The following DNM2 variants were observed in gnomAD, a reference collection of about 807,000 sequenced individuals.
The protein encoded by DNM2 is dynamin-2.
Under a neutral mutation model 99.0 loss-of-function variants are expected in DNM2, and 15 were observed. The ratio of observed to expected loss-of-function variants is 0.15; its 90% confidence interval spans 0.10 to 0.23. DNM2 has a LOEUF of 0.23. Among genes scored for constraint, DNM2 ranks in the 10% least tolerant of loss-of-function variants. DNM2 has a pLI of 1.00. For missense variants in DNM2, 742 were observed against 1,189.4 expected (o/e 0.62, Z 5.53); for synonymous variants, 525 against 481.2 (o/e 1.09, Z -1.19).
chr19:10,790,615 C>T (rs190655438), intron 7 of DNM2, among the ~76,000 whole-genome samples: 2 of 152,028 alleles, frequency 1.3e-5, no homozygotes, highest in Non-Finnish European at 2.9e-5. Flanking sequence ...TACAGGCATG[C>T]GCCACCACAC....
rs1429961045 is a variant in DNM2 at position 10,718,189 on chromosome 19, G to C, written c.-54G>C. ...AGACGCCGCGGGGCCAGGTCGTTGA[G>C]GGTCGGCGGCGGGCGAGGAGCGCAG... On this transcript the variant is annotated 5_prime_UTR_variant, in exon 1 of 21. Transcript: ENST00000389253. 7.2e-7 allele frequency: 1 copy of C among 1,381,386 alleles called. No homozygotes were observed. The highest frequency in any genetic ancestry group is 1.5e-5 in the African/African-American group (1 of 65,966). 85.6% of individuals were successfully genotyped at this position (1,381,386 alleles called of 1,614,324 possible).
At chr19:10,749,636 C>CT (rs2070124013) in intron 1 of DNM2, among the ~76,000 whole-genome samples, 2 of 152,236 alleles carry the variant, frequency 1.3e-5, no homozygotes, top group South Asian at 4.1e-4. Context: ...CGGAGCTCGA[C>CT]TTTGAACCCA....
chr19:10,808,719 T>G (rs2072440425), intron 14 of DNM2, 139 bp downstream of exon 14: 1 of 1,114,738 alleles, frequency 9.0e-7, no homozygotes, highest in Admixed American at 2.1e-5. Context: ...GGAAACCCCA[T>G]GCCGCAGCCG....
At chr19:10,767,561 G>A (rs1248487326) in intron 2 of DNM2, among the ~76,000 whole-genome samples, 4 of 152,202 alleles carry the variant, frequency 2.6e-5, no homozygotes, top group Non-Finnish European at 5.9e-5. Flanking sequence ...GCCTCCCAAA[G>A]TGCTGGAGTT....
intron 8 of DNM2, 71 bp downstream of exon 8, chr19:10,793,926 C>T: frequency 1.2e-6 from 2 of 1,612,110 alleles, no homozygotes; most frequent in Non-Finnish European, 1.7e-6. Context: ...AGCCAGGCCT[C>T]CTCCCAGGCA....
chr19:10,733,154 G>A (rs2069393432), intron 1 of DNM2, among the ~76,000 whole-genome samples: 1 of 150,804 alleles, frequency 6.6e-6, no homozygotes. Context: ...AAAGTGCTGG[G>A]ATTACCAGTG....
chr19:10,724,867 C>T (rs1373565951), intron 1 of DNM2, among the ~76,000 whole-genome samples: 4 of 152,154 alleles, frequency 2.6e-5, no homozygotes, highest in South Asian at 2.1e-4. Flanking sequence ...GCAGCTGTGC[C>T]GGGGATGCTG....
chr19:10,749,584 G>A (rs2070121348), intron 1 of DNM2, among the ~76,000 whole-genome samples: 1 of 152,242 alleles, frequency 6.6e-6, no homozygotes, highest in Admixed American at 6.5e-5. Context: ...AGTGCCCAGA[G>A]AGGGGTAGAG....
chr19:10,759,924 A>G, intron 2 of DNM2, 113 bp downstream of exon 2: 3 of 1,405,478 alleles, frequency 2.1e-6, no homozygotes, highest in Non-Finnish European at 3.0e-6. Context: ...TGGACATTGA[A>G]TTCACGTGTT....
At chr19:10,757,266 G>A (rs900722471) in intron 1 of DNM2, among the ~76,000 whole-genome samples, 1 of 152,204 alleles carries the variant, frequency 6.6e-6, no homozygotes, top group African/African-American at 2.4e-5. Context: ...GACTTGTTGT[G>A]TAGTCAGTGC....
intron 1 of DNM2, among the ~76,000 whole-genome samples, chr19:10,733,356 AT>A (rs979976932): frequency 4.9e-5 from 7 of 142,390 alleles, no homozygotes; most frequent in Non-Finnish European, 4.6e-5. Flanking sequence ...AATGGCCGGC[AT>A]TTTTTTTTTA....
intron 1 of DNM2, among the ~76,000 whole-genome samples, chr19:10,759,203 A>G (rs183113610): frequency 2.6e-5 from 4 of 152,190 alleles, no homozygotes; most frequent in African/African-American, 9.6e-5. Flanking sequence ...ACATCACCAT[A>G]GTCCAGATGT....
intron 1 of DNM2, among the ~76,000 whole-genome samples, chr19:10,753,035 G>A (rs2070254297): frequency 6.6e-6 from 1 of 152,152 alleles, no homozygotes; most frequent in South Asian, 2.1e-4. Context: ...GAGACGGGAG[G>A]ATCACTTGAG....
At position 10,830,500 on chromosome 19, in the gene DNM2, C is replaced by G; in HGVS notation, c.2543+122C>G. On this transcript the variant is annotated intron_variant, in intron 20 of 20. Coordinates refer to ENST00000389253, the MANE Select transcript of DNM2 (RefSeq NM_001005361.3). This position sits in a 1 kb window ranked among gnomAD's most constrained non-coding sequence, Gnocchi z 4.8. ...GCTGCTGGAGTGGAGGAATCGTCCT[C>G]ATCCCTATTTGGCTTGCGAGGAAAC... 3 of 1,201,468 alleles carry G rather than the reference C, an allele frequency of 2.5e-6. No homozygotes were observed. The highest frequency in any genetic ancestry group is 3.5e-6 in the Non-Finnish European group (3 of 858,654). The allele number at this position is 1,201,468 out of a possible 1,614,324, so 74.4% of individuals were successfully genotyped here.
At chr19:10,735,333 C>T (rs1568269350) in intron 1 of DNM2, among the ~76,000 whole-genome samples, 1 of 152,122 alleles carries the variant, frequency 6.6e-6, no homozygotes, top group Non-Finnish European at 1.5e-5. Context: ...CCACCTCGTC[C>T]AGCCATCTTC....
At chr19:10,779,860 G>T (rs1215308420) in intron 5 of DNM2, among the ~76,000 whole-genome samples, 2 of 151,846 alleles carry the variant, frequency 1.3e-5, no homozygotes, top group Non-Finnish European at 2.9e-5. Flanking sequence ...CACCATGTTG[G>T]CTAGGCTGGT....
At chr19:10,755,390 G>A (rs1046012899) in intron 1 of DNM2, 4 of 152,058 alleles carry the variant, frequency 2.6e-5, no homozygotes, top group Non-Finnish European at 4.4e-5. Flanking sequence ...GTTGTGAGGG[G>A]CACGTGCTGT....
intron 8 of DNM2, among the ~76,000 whole-genome samples, chr19:10,794,344 C>CGTGTGTGTGTGTGTGTGTGTGT (rs58263525): frequency 1.3e-4 from 19 of 141,700 alleles, no homozygotes; most frequent in African/African-American, 4.4e-4. Flanking sequence ...CTTCTTTTTC[C>CGTGTGTGTGTGTGTGTGTGTGT]GTGTGTGTGT....
chr19:10,755,783 C>T (rs2070361993), intron 1 of DNM2, among the ~76,000 whole-genome samples: 1 of 152,082 alleles, frequency 6.6e-6, no homozygotes, highest in African/African-American at 2.4e-5. Context: ...CGTGTCTTAG[C>T]CTCCCGAGTG....
Sources: allele counts gnomAD v4.1 joint callset (sites outside exome capture counted in the v4.1 genomes callset), GRCh38; gene constraint gnomAD v4.1.1; non-coding constraint Gnocchi (gnomAD v3.1); transcripts MANE v1.5; gene names NCBI Gene and HGNC (gene_info 2026-07-23, HGNC 2026-07-21).